JADE1: variants seen among roughly 807,000 people sequenced by gnomAD.
JADE1 encodes jade family PHD finger 1.
JADE1 carries 14 observed loss-of-function variants against 81.8 expected under a neutral mutation model. The ratio of observed to expected loss-of-function variants is 0.17; its 90% CI spans 0.11 to 0.27. The LOEUF is 0.27. Among genes scored for constraint, JADE1 ranks in the 10% least tolerant of loss-of-function variants. The probability of loss-of-function intolerance (pLI) is 1.00; values close to 1 mark genes in which losing one functional copy is unlikely to be tolerated. For synonymous variants in JADE1, 353 were observed against 391.9 expected, an observed-to-expected ratio of 0.90 and a Z score of 1.17; for missense variants, 690 against 1,047.9, an observed-to-expected ratio of 0.66 and a Z score of 4.71.
intron 9 of JADE1, chr4:128,863,985 C>T: frequency 7.1e-6 from 7 of 985,348 alleles, no homozygotes; most frequent in Non-Finnish European, 8.4e-6. Context: ...ACTTCTAATT[C>T]TAAACATTTT....
chr4:128,824,959 A>G (rs1219848432), intron 1 of JADE1, among the ~76,000 whole-genome samples: 2 of 152,178 alleles, frequency 1.3e-5, no homozygotes, highest in Non-Finnish European at 2.9e-5. Context: ...GTAACTGGAC[A>G]GTTTGTTTTC....
At position 128,846,902 on chromosome 4, in the gene JADE1, C is replaced by G. The variant is rs1482965881; in HGVS notation, c.296+370C>G. The stretch of plus-strand genomic sequence containing the variant: ...CCTCCGTATTCGCTCTGGAGAGTGG[C>G]TCTCCTGGAGAGAAGCATCTGGCTT... On this transcript the variant is annotated intron_variant, in intron 4 of 10. Transcript: ENST00000226319. This position sits in a 1 kb window ranked among gnomAD's most constrained non-coding sequence, Gnocchi z 4.0. Among the ~76,000 whole-genome samples the G allele has an allele frequency of 2.6e-5, 4 of 152,146 alleles. No individual in the cohort carries two copies. The highest frequency in any genetic ancestry group is 6.5e-5 in the Admixed American group (1 of 15,284).
chr4:128,847,503 G>A (rs1489151804), intron 4 of JADE1, among the ~76,000 whole-genome samples: 1 of 152,204 alleles, frequency 6.6e-6, no homozygotes, highest in Admixed American at 6.5e-5. Flanking sequence ...ACAGGCTAGA[G>A]TCTGGACCTG....
At chr4:128,869,573 T>C (rs1234359200) in intron 10 of JADE1, among the ~76,000 whole-genome samples, 3 of 152,346 alleles carry the variant, frequency 2.0e-5, no homozygotes, top group Non-Finnish European at 2.9e-5. Flanking sequence ...TGGTTTCATT[T>C]GAGTTATTTC....
chr4:128,851,086 A>G lies in JADE1; in HGVS notation c.485-971A>G, dbSNP rs184877403. On this transcript the variant is annotated intron_variant, in intron 5 of 10. Coordinates refer to ENST00000226319, the MANE Select transcript of JADE1 (RefSeq NM_199320.4). The stretch of plus-strand genomic sequence containing the variant: ...GCTGGGATTATTGGCACCTGCCACC[A>G]TGCCTGGCTAATTTTTGTATTTTTA... Among the ~76,000 whole-genome samples, 759 of 152,230 alleles carry G rather than the reference A, an allele frequency of 5.0e-3. 7 individuals are homozygous for G. Among genetic ancestry groups the G allele is most frequent in the African/African-American group, 0.017 (726 of 41,524 alleles).
At chr4:128,821,636 A>G (rs1413374010) in intron 1 of JADE1, among the ~76,000 whole-genome samples, 1 of 151,866 alleles carries the variant, frequency 6.6e-6, no homozygotes, top group Non-Finnish European at 1.5e-5. Flanking sequence ...AGTAGCTGCT[A>G]GGTTTGAGAC....
chr4:128,821,369 A>G (rs960458536), intron 1 of JADE1, among the ~76,000 whole-genome samples: 25 of 152,334 alleles, frequency 1.6e-4, no homozygotes, highest in African/African-American at 5.5e-4. Flanking sequence ...TAATTTGTCA[A>G]CCATGCCTTG....
chr4:128,866,239 A>G (rs567149081), intron 9 of JADE1, among the ~76,000 whole-genome samples: 22 of 152,352 alleles, frequency 1.4e-4, no homozygotes, highest in African/African-American at 4.6e-4. Context: ...AATATTTACT[A>G]TGAGACAGGG....
Position 128,849,055 on chromosome 4 carries a change from C to G in JADE1, c.372C>G (p.Pro124=). The stretch of plus-strand genomic sequence containing the variant: ...TCGTGTCATCAGGCTCTGAGCCTCC[C>G]GAGTTGGGCTATGTGGACATCCGGA... ...KYIVSSGSEP[P]ELGYVDIRTL... is the part of the protein sequence containing the mutation. Residue 124 remains proline (P), a synonymous_variant, in exon 5 of 11, where the codon CCC becomes CCG. Transcript: ENST00000226319. 6.2e-7 allele frequency: 1 copy of G among 1,614,112 alleles called. No individual in the cohort carries two copies. Among genetic ancestry groups the G allele is most frequent in the Non-Finnish European group, 8.5e-7 (1 of 1,180,032 alleles).
At chr4:128,847,940 CT>C (rs998190302) in intron 4 of JADE1, among the ~76,000 whole-genome samples, 36 of 152,180 alleles carry the variant, frequency 2.4e-4, no homozygotes, top group Middle Eastern at 3.4e-3. Flanking sequence ...GGAAGATGGC[CT>C]TTTTTTGGTT....
chr4:128,853,882 C>T (rs757354845), intron 6 of JADE1, among the ~76,000 whole-genome samples: 24 of 152,188 alleles, frequency 1.6e-4, no homozygotes, highest in Non-Finnish European at 2.8e-4. Flanking sequence ...GGGAGACCTG[C>T]GACTCCTGCT....
At chr4:128,854,969 T>C (rs1270897700) in intron 6 of JADE1, among the ~76,000 whole-genome samples, 1 of 152,230 alleles carries the variant, frequency 6.6e-6, no homozygotes, top group Non-Finnish European at 1.5e-5. Flanking sequence ...CTGAATTTGT[T>C]TTAAATACCA....
chr4:128,852,732 C>G (rs890965033), intron 6 of JADE1, among the ~76,000 whole-genome samples: 1 of 152,190 alleles, frequency 6.6e-6, no homozygotes, highest in Non-Finnish European at 1.5e-5. Flanking sequence ...TCTTGTGGTT[C>G]TGGAAACTAA....
intron 2 of JADE1, 110 bp downstream of exon 2, chr4:128,831,920 G>A: frequency 3.0e-6 from 3 of 998,610 alleles, no homozygotes; most frequent in African/African-American, 1.6e-5. Context: ...ATGTCAGGCA[G>A]GTCAGAGAAA....
chr4:128,864,630 C>T (rs1579238429), intron 9 of JADE1: 1 of 983,176 alleles, frequency 1.0e-6, no homozygotes, highest in Non-Finnish European at 1.2e-6. Flanking sequence ...TCATTACTAC[C>T]AACTTGTTTT....
chr4:128,829,507 T>A (rs1728349536), intron 1 of JADE1, among the ~76,000 whole-genome samples: 1 of 152,216 alleles, frequency 6.6e-6, no homozygotes, highest in Admixed American at 6.5e-5. Context: ...AATATTTGGA[T>A]GAATTGTGTA....
At chr4:128,849,217 C>A in intron 5 of JADE1, 50 bp downstream of exon 5, 1 of 1,486,246 alleles carries the variant, frequency 6.7e-7, no homozygotes, top group Non-Finnish European at 9.1e-7. Flanking sequence ...TGAATAGAGA[C>A]ATTTTAGGCA....
In JADE1 at chr4:128,872,265, C is replaced by G. The variant is rs781268661; in HGVS notation, c.*3C>G. On this transcript the variant is annotated 3_prime_UTR_variant, in exon 11 of 11. Transcript: ENST00000226319. ...GGAGAAGCATCTTGGCTTCTTGATG[C>G]AACAGAGATGATGCGGAAGCCCTTT... 1 of 1,611,444 alleles carries G rather than the reference C, an allele frequency of 6.2e-7. No individual in the cohort carries two copies. The highest frequency in any genetic ancestry group is 8.5e-7 in the Non-Finnish European group (1 of 1,177,930).
At chr4:128,831,687 T>C (rs1728568654) in intron 1 of JADE1, 46 bp from the exon 2 acceptor site, 2 of 1,522,836 alleles carry the variant, frequency 1.3e-6, no homozygotes, top group South Asian at 1.1e-5. Context: ...AACTTGATGA[T>C]TGTGTATTAT....
Sources: allele counts gnomAD v4.1 joint callset (sites outside exome capture counted in the v4.1 genomes callset), GRCh38; gene constraint gnomAD v4.1.1; non-coding constraint Gnocchi (gnomAD v3.1); transcripts MANE v1.5; gene names NCBI Gene and HGNC (gene_info 2026-07-23, HGNC 2026-07-21).